GPRC6A: variants seen among roughly 807,000 people sequenced by gnomAD.
GPRC6A encodes the protein G protein-coupled receptor class C group 6 member A, also known as G protein-coupled receptor family C group 6 member A.
GPRC6A carries 54 observed loss-of-function variants against 47.0 expected under a neutral mutation model. The ratio of observed to expected loss-of-function variants is 1.15; its 90% CI spans 0.92 to 1.44. The LOEUF (loss-of-function observed/expected upper bound fraction) is 1.44. GPRC6A is among the 40% of genes most tolerant of loss of function. The pLI is 0.00. For missense variants in GPRC6A, 1,112 were observed against 1,105.5 expected (o/e 1.01, Z -0.08); for synonymous variants, 347 against 377.1 (o/e 0.92, Z 0.93).
chr6:116,803,007 C>A (rs948844411), intron 3 of GPRC6A, among the ~76,000 whole-genome samples: 1 of 149,984 alleles, frequency 6.7e-6, no homozygotes, highest in Non-Finnish European at 1.5e-5. Context: ...GCTACACTTA[C>A]AATACATGTC....
chr6:116,792,764 G>T lies in GPRC6A; in HGVS notation c.2159C>A (p.Thr720Lys). Residue 720 changes from threonine to lysine, a missense_variant, in exon 6 of 6, where the codon ACA (threonine) becomes AAA (lysine). Thr to Lys is a moderately conservative substitution (Grantham distance 78). Coordinates refer to ENST00000310357, the MANE Select transcript of GPRC6A (RefSeq NM_148963.4). ...TCTGIQVVIC[T>K]LWLIFAAPTV... ...AGGTGCTGCAAAGATTAGCCAGAGTGTGCAAATGACAACCTGGATGCCCGT... is the reference window on the plus strand; with the variant it reads ...AGGTGCTGCAAAGATTAGCCAGAGTTTGCAAATGACAACCTGGATGCCCGT... The T allele has an allele frequency of 6.2e-7, 1 of 1,614,032 alleles. No homozygotes were observed. Among genetic ancestry groups the T allele is most frequent in the Non-Finnish European group, 8.5e-7 (1 of 1,179,966 alleles).
Position 116,792,123 on chromosome 6 carries a change from G to T in GPRC6A, c.*19C>A, listed in dbSNP as rs756415139. On this transcript the variant is annotated 3_prime_UTR_variant, in exon 6 of 6. Transcript: ENST00000310357. ...CTGGAAACATTTTATTCTGGAATGT[G>T]GCATCTCCTAAGGCTTATTCATATA... The T allele has an allele frequency of 6.4e-7, 1 of 1,574,060 alleles. No individual in the cohort carries two copies. The highest frequency in any genetic ancestry group is 2.2e-5 in the East Asian group (1 of 44,466).
At chr6:116,825,201 C>T (rs976673096) in intron 1 of GPRC6A, among the ~76,000 whole-genome samples, 4 of 152,056 alleles carry the variant, frequency 2.6e-5, no homozygotes, top group Admixed American at 2.6e-4. Flanking sequence ...ACTTTCACCA[C>T]TCTTATTCAA....
intron 2 of GPRC6A, among the ~76,000 whole-genome samples, chr6:116,807,765 A>T (rs75910890): frequency 4.3e-4 from 65 of 152,214 alleles, no homozygotes; most frequent in Non-Finnish European, 8.2e-4. Context: ...GAAATGTAAA[A>T]ACTATTTTTA....
At chr6:116,812,926 C>A (rs1773075326) in intron 1 of GPRC6A, among the ~76,000 whole-genome samples, 1 of 152,296 alleles carries the variant, frequency 6.6e-6, no homozygotes, top group East Asian at 1.9e-4. Flanking sequence ...AATACAAAAT[C>A]AATGTGCAAA....
chr6:116,820,193 A>C (rs372006717), intron 1 of GPRC6A, among the ~76,000 whole-genome samples: 26 of 151,992 alleles, frequency 1.7e-4, no homozygotes, highest in African/African-American at 5.3e-4. Context: ...CAATAACAGG[A>C]TCTGAAATTG....
chr6:116,801,993 T>C (rs1197416157), intron 3 of GPRC6A, among the ~76,000 whole-genome samples: 1 of 152,198 alleles, frequency 6.6e-6, no homozygotes, highest in Admixed American at 6.6e-5. Flanking sequence ...TTTCTTCTGT[T>C]CTTTCCTTAA....
chr6:116,809,312 A>G lies in GPRC6A; in HGVS notation c.498+2T>C, dbSNP rs1381987240. 2 of 1,610,028 alleles carry G rather than the reference A, an allele frequency of 1.2e-6. No homozygotes were observed. The highest frequency in any genetic ancestry group is 1.3e-5 in the African/African-American group (1 of 74,870). On this transcript the variant is annotated splice_donor_variant, in intron 2 of 5. Coordinates refer to ENST00000310357, the MANE Select transcript of GPRC6A (RefSeq NM_148963.4). LOFTEE classifies it high-confidence loss of function. ...AATGTTTGGAGGTAGCACAAAACCT[A>G]CCTGTGGCATGAGCTGTAAATTCAA...
chr6:116,805,695 G>T (rs1772813074), intron 3 of GPRC6A, among the ~76,000 whole-genome samples: 1 of 151,992 alleles, frequency 6.6e-6, no homozygotes, highest in African/African-American at 2.4e-5. Context: ...AGAGAAGAAA[G>T]GGAAAAAGCT....
chr6:116,817,593 A>G (rs894722708), intron 1 of GPRC6A, among the ~76,000 whole-genome samples: 2 of 152,244 alleles, frequency 1.3e-5, no homozygotes, highest in African/African-American at 4.8e-5. Flanking sequence ...GAGCTATGGG[A>G]GGACATTCAA....
At chr6:116,823,291 T>C (rs1209865981) in intron 1 of GPRC6A, among the ~76,000 whole-genome samples, 2 of 152,120 alleles carry the variant, frequency 1.3e-5, no homozygotes, top group Non-Finnish European at 2.9e-5. Flanking sequence ...TTCTGCCAGA[T>C]ACCCTAAATC....
chr6:116,806,634 A>G lies in GPRC6A; in HGVS notation c.1071T>C (p.Tyr357=), dbSNP rs752350591. ...PSDSHKLLHE[Y]AMHLSACAYV... ...ATGCGCAGGCAGATAAATGCATGGC[A>G]TATTCATGTAAGAGTTTGTGACTGT... The change falls in exon 3 of 6, where the codon TAT becomes TAC. Residue 357 remains tyrosine, a synonymous_variant. Coordinates refer to ENST00000310357, the MANE Select transcript of GPRC6A (RefSeq NM_148963.4). The G allele has an allele frequency of 1.2e-6, 2 of 1,613,544 alleles. No homozygotes were observed. Among genetic ancestry groups the G allele is most frequent in the South Asian group, 1.1e-5 (1 of 91,072 alleles).
At chr6:116,813,721 C>A (rs1773107222) in intron 1 of GPRC6A, among the ~76,000 whole-genome samples, 1 of 152,130 alleles carries the variant, frequency 6.6e-6, no homozygotes, top group Admixed American at 6.6e-5. Flanking sequence ...GACTAAAACA[C>A]CAAAAGCAAT....
intron 1 of GPRC6A, 87 bp downstream of exon 1, chr6:116,828,733 T>C (rs1773747867): frequency 9.3e-7 from 1 of 1,075,848 alleles, no homozygotes; most frequent in Non-Finnish European, 1.3e-6. Context: ...TTTTAAATGA[T>C]TTAGATATTA....
chr6:116,804,837 T>C (rs920285672), intron 3 of GPRC6A, among the ~76,000 whole-genome samples: 1 of 152,078 alleles, frequency 6.6e-6, no homozygotes, highest in Non-Finnish European at 1.5e-5. Context: ...TGAGGTTCTT[T>C]ATATAACCAT....
Position 116,809,316 on chromosome 6 carries a change from G to T in GPRC6A, c.496C>A (p.Gln166Lys). 6.2e-7 allele frequency: 1 copy of T among 1,610,294 alleles called. No individual in the cohort carries two copies. Among genetic ancestry groups the T allele is most frequent in the South Asian group, 1.1e-5 (1 of 90,876 alleles). ...TTTGGAGGTAGCACAAAACCTACCT[G>T]TGGCATGAGCTGTAAATTCAACATC... is the stretch of plus-strand genomic sequence containing the variant. The part of the protein sequence containing the change: ...SRMLNLQLMP[Q>K]VGYESTAEIL... The change falls in exon 2 of 6, where the codon CAG becomes AAG. Residue 166 changes from glutamine (Q) to lysine (K), a missense_variant and splice_region_variant. Physicochemically the swap from Gln to Lys is moderately conservative, Grantham distance 53 (BLOSUM62 1). Transcript: ENST00000310357.
chr6:116,828,676 T>C (rs1259755790), intron 1 of GPRC6A, 144 bp downstream of exon 1: 1 of 628,950 alleles, frequency 1.6e-6, no homozygotes, highest in Non-Finnish European at 2.6e-6. Flanking sequence ...TAAAGAAGGA[T>C]TGCAAGATTA....
At position 116,806,743 on chromosome 6, in the gene GPRC6A, C is replaced by T. The variant is rs200347739; in HGVS notation, c.962G>A (p.Gly321Asp). 4 of 1,613,394 alleles carry T rather than the reference C, an allele frequency of 2.5e-6. No homozygotes were observed. The highest frequency in any genetic ancestry group is 3.4e-6 in the Non-Finnish European group (4 of 1,179,720). The change falls in exon 3 of 6, where the codon GGC becomes GAC. Residue 321 changes from glycine (G) to aspartate (D), a missense_variant. Transcript: ENST00000310357. ...TCTAAAGGCAAACCCTACAACTTTG[C>T]CAATCTTTTTAACATTAGGAATGGT... ...ITTIPNVKKI[G>D]KVVGFAFRRG... is the part of the protein sequence containing the mutation.
intron 3 of GPRC6A, among the ~76,000 whole-genome samples, chr6:116,805,755 C>T (rs1016472274): frequency 6.6e-6 from 1 of 151,992 alleles, no homozygotes; most frequent in African/African-American, 2.4e-5. Flanking sequence ...TCATAATTGA[C>T]CTAACAACAT....
Sources: gnomAD v4.1 joint callset for allele counts (sites outside exome capture counted in the v4.1 genomes callset) on GRCh38, gnomAD v4.1.1 for gene constraint, MANE v1.5 for transcripts, NCBI Gene and HGNC (gene_info 2026-07-23, HGNC 2026-07-21) for gene names.